The following INSR variants were observed in gnomAD, a reference collection of about 807,000 sequenced individuals.
The protein encoded by INSR is insulin receptor, also known as IR.
Under a neutral mutation model 142.6 loss-of-function variants are expected in INSR, and 67 were observed. The observed-to-expected ratio is 0.47, with a 90% CI of 0.39 to 0.58. The LOEUF is 0.58. Ranked by LOEUF, INSR falls within the 20% of genes least tolerant of loss-of-function variation. INSR has a pLI of 0.00. For missense variants in INSR, 1,248 were observed against 1,833.2 expected (o/e 0.68, Z 5.83); for synonymous variants, 756 against 743.1 (o/e 1.02, Z -0.28).
intron 2 of INSR, among the ~76,000 whole-genome samples, chr19:7,222,635 CT>C (rs1328336857): frequency 6.6e-6 from 1 of 152,078 alleles, no homozygotes; most frequent in Non-Finnish European, 1.5e-5. Flanking sequence ...TCAAGTGATC[CT>C]CCCACCTCGG....
chr19:7,247,273 C>T (rs1029084183), intron 2 of INSR, among the ~76,000 whole-genome samples: 6 of 152,190 alleles, frequency 3.9e-5, no homozygotes, highest in African/African-American at 1.4e-4. Flanking sequence ...ACCCATTTTA[C>T]TCCACTTAAG....
rs558209976 is a variant in INSR, at chr19:7,272,444, C to A, written c.101-4548G>T. Among the ~76,000 whole-genome samples, 15 of 152,058 alleles carry A rather than the reference C, an allele frequency of 9.9e-5. No individual in the cohort carries two copies. In the East Asian group the frequency reaches 2.9e-3, roughly 29 times the overall value. On this transcript the variant is annotated intron_variant, in intron 1 of 21. Transcript: ENST00000302850. ...ACCAGCTTGGCCAACGTGGTGAAAA[C>A]CTGTCTCTACTAAAAATACAAAAAT...
intron 2 of INSR, among the ~76,000 whole-genome samples, chr19:7,251,649 T>C (rs1470618480): frequency 6.6e-6 from 1 of 151,964 alleles, no homozygotes; most frequent in East Asian, 1.9e-4. Context: ...AAGGAAGTGA[T>C]GTCTACAAAA....
chr19:7,202,689 C>A (rs11881212), intron 2 of INSR, among the ~76,000 whole-genome samples: 15,104 of 152,032 alleles, frequency 0.099, 788 homozygotes, highest in South Asian at 0.17. Flanking sequence ...TTAGTAGAGA[C>A]GGGGTTTCAC....
intron 1 of INSR, among the ~76,000 whole-genome samples, chr19:7,271,266 T>C (rs1175235585): frequency 6.6e-6 from 1 of 151,934 alleles, no homozygotes; most frequent in Non-Finnish European, 1.5e-5. Flanking sequence ...GAAGCCAAGA[T>C]AGGCAGATCA....
chr19:7,172,312 G>T lies in INSR; in HGVS notation c.1246C>A (p.Arg416=), dbSNP rs778989302. The T allele has an allele frequency of 6.2e-7, 1 of 1,614,008 alleles. No homozygotes were observed. The highest frequency in any genetic ancestry group is 8.5e-7 in the Non-Finnish European group (1 of 1,180,002). Residue 416 remains arginine, a synonymous_variant, in exon 5 of 22, where the codon CGA becomes AGA. Coordinates refer to ENST00000302850, the MANE Select transcript of INSR (RefSeq NM_000208.4). ...TACCCAATTTCCAAGGTCTCTCCTC[G>T]AATCAGACGTAACTTCCGGAAGAAG... is the stretch of plus-strand genomic sequence containing the variant. ...LSFFRKLRLI[R]GETLEIGNYS... is the part of the protein sequence containing the mutation.
In INSR at chr19:7,267,191, A is replaced by C. The variant is rs1413053161; in HGVS notation, c.652+154T>G. On this transcript the variant is annotated intron_variant, in intron 2 of 21. Transcript: ENST00000302850. The surrounding 1 kb of genome is among the most constrained non-coding windows in gnomAD (Gnocchi z 6.3). Reference sequence around the variant, plus strand: ...TATCTACTATCTGAGTCTTTACAGAAAATGTCTGCCACTCCCTGGGCTAGT... The same window carrying C: ...TATCTACTATCTGAGTCTTTACAGACAATGTCTGCCACTCCCTGGGCTAGT... 6.6e-6 allele frequency among the ~76,000 whole-genome samples: 1 copy of C among 152,134 alleles called. No individual in the cohort carries two copies. The highest frequency in any genetic ancestry group is 6.6e-5 in the Admixed American group (1 of 15,254).
intron 8 of INSR, among the ~76,000 whole-genome samples, chr19:7,163,925 T>TAAAAAAAAAAAAAAAAAAA (rs748862314): frequency 1.8e-4 from 8 of 44,596 alleles, no homozygotes; most frequent in African/African-American, 3.5e-4. Context: ...CTATCTCTAC[T>TAAAAAAAAAAAAAAAAAAA]AAAAAAAAAA....
chr19:7,209,634 G>A (rs947890818), intron 2 of INSR, among the ~76,000 whole-genome samples: 7 of 151,430 alleles, frequency 4.6e-5, no homozygotes, highest in African/African-American at 7.3e-5. Flanking sequence ...GGCTGGTCTC[G>A]AACTCCTGGA....
intron 9 of INSR, among the ~76,000 whole-genome samples, chr19:7,158,959 A>G (rs1191061748): frequency 2.6e-5 from 4 of 152,034 alleles, no homozygotes; most frequent in Non-Finnish European, 1.5e-5. Flanking sequence ...CTGGAGTGCA[A>G]TGGCGTGATC....
At chr19:7,120,286 C>T (rs1269762053) in intron 20 of INSR, among the ~76,000 whole-genome samples, 1 of 152,178 alleles carries the variant, frequency 6.6e-6, no homozygotes, top group Non-Finnish European at 1.5e-5. Context: ...TCTCATGTCT[C>T]CCTAAAATGT....
intron 2 of INSR, among the ~76,000 whole-genome samples, chr19:7,236,711 C>T (rs1976167866): frequency 6.6e-6 from 1 of 152,090 alleles, no homozygotes; most frequent in Admixed American, 6.6e-5. Context: ...TGGGAGCTAA[C>T]CTATGAGGAT....
chr19:7,163,273 GAC>G, intron 8 of INSR, 74 bp from the exon 9 acceptor site: 2 of 1,436,736 alleles, frequency 1.4e-6, no homozygotes, highest in Non-Finnish European at 2.0e-6. Context: ...GATGGCGGGG[GAC>G]ACACAAGTTA....
At chr19:7,165,929 T>G in intron 8 of INSR, among the ~76,000 whole-genome samples, 1 of 150,080 alleles carries the variant, frequency 6.7e-6, no homozygotes, top group Non-Finnish European at 1.5e-5. Context: ...CTTAGGAGGC[T>G]GAGGCAGAAG....
intron 1 of INSR, among the ~76,000 whole-genome samples, chr19:7,288,313 C>T (rs1968397819): frequency 6.6e-6 from 1 of 152,014 alleles, no homozygotes; most frequent in African/African-American, 2.4e-5. Flanking sequence ...CCAGCATGGG[C>T]AACATAGCTA....
chr19:7,218,498 T>C lies in INSR; in HGVS notation c.653-33861A>G, dbSNP rs539649224. Reference sequence around the variant, plus strand: ...TCTTGCCTCTTGTTTTTTGTTTTGTTGGTTTTTTCTGTTTGTTTGTTTTGT... The same window carrying C: ...TCTTGCCTCTTGTTTTTTGTTTTGTCGGTTTTTTCTGTTTGTTTGTTTTGT... On this transcript the variant is annotated intron_variant, in intron 2 of 21. Coordinates refer to ENST00000302850, the MANE Select transcript of INSR (RefSeq NM_000208.4). Among the ~76,000 whole-genome samples the C allele has an allele frequency of 3.9e-5, 6 of 152,206 alleles. No individual in the cohort carries two copies. In the South Asian group the frequency reaches 1.2e-3, roughly 32 times the overall value.
chr19:7,135,582 T>C, intron 13 of INSR, among the ~76,000 whole-genome samples: 1 of 140,028 alleles, frequency 7.1e-6, no homozygotes, highest in Admixed American at 7.2e-5. Flanking sequence ...TGACTCTGTC[T>C]CTGAAAAAAA....
intron 3 of INSR, 37 bp from the exon 4 acceptor site, chr19:7,174,768 G>C: frequency 6.2e-7 from 1 of 1,603,220 alleles, no homozygotes; most frequent in Non-Finnish European, 8.5e-7. Context: ...AAGAGAAAGG[G>C]GAGGGGGGTG....
chr19:7,142,389 C>CAAAAAAA lies in INSR; in HGVS notation c.2542+420_2542+426dup, dbSNP rs34453877. 1.3e-3 allele frequency among the ~76,000 whole-genome samples: 53 copies of CAAAAAAA among 42,142 alleles called. 1 individual carries two copies. Among genetic ancestry groups the CAAAAAAA allele is most frequent in the African/African-American group, 5.1e-3 (50 of 9,848 alleles). 27.6% of individuals were successfully genotyped at this position (42,142 alleles called of 152,430 possible). ...TGGGCGACAGAGCAAGACTTCATCT[C>CAAAAAAA]AAAAAAAAAAAAAAAAAAAAAAAAG... On this transcript the variant is annotated intron_variant, in intron 12 of 21. Coordinates refer to ENST00000302850, the MANE Select transcript of INSR (RefSeq NM_000208.4).
Sources: gnomAD v4.1 joint callset for allele counts (sites outside exome capture counted in the v4.1 genomes callset) on GRCh38, gnomAD v4.1.1 for gene constraint, Gnocchi (gnomAD v3.1) non-coding constraint, MANE v1.5 for transcripts, NCBI Gene and HGNC (gene_info 2026-07-23, HGNC 2026-07-21) for gene names.